TXNRD1: variants seen among roughly 807,000 people sequenced by gnomAD.
TXNRD1 encodes thioredoxin reductase 1, also known as thioredoxin reductase 1, cytoplasmic.
In TXNRD1, 57 loss-of-function variants were observed where a neutral mutation model predicts 80.3. The ratio of observed to expected loss-of-function variants is 0.71; its 90% confidence interval spans 0.57 to 0.89. TXNRD1 has a LOEUF of 0.89. TXNRD1 is among the 40% of genes least tolerant of loss of function. The probability of loss-of-function intolerance (pLI) is 0.00; values close to 1 mark genes in which losing one functional copy is unlikely to be tolerated. For synonymous variants in TXNRD1, 291 were observed against 285.2 expected, an observed-to-expected ratio of 1.02 and a Z score of -0.20; for missense variants, 730 against 803.0, an observed-to-expected ratio of 0.91 and a Z score of 1.10.
intron 2 of TXNRD1, among the ~76,000 whole-genome samples, chr12:104,256,433 G>A (rs934736428): frequency 2.6e-5 from 4 of 152,094 alleles, no homozygotes; most frequent in Non-Finnish European, 5.9e-5. Context: ...AGTGGTGGGG[G>A]GAACTGAATT....
chr12:104,349,048 A>G lies in TXNRD1; in HGVS notation c.*627A>G, dbSNP rs2036577010. ...TCCCAAAACAAGTACATCTGCGATC[A>G]ACTCTAGCCAAATTTGCCCCTGTGT... On this transcript the variant is annotated 3_prime_UTR_variant, in exon 17 of 17. Transcript: ENST00000525566. 1 of 152,326 alleles carries G rather than the reference A, an allele frequency of 6.6e-6. No individual in the cohort carries two copies. The highest frequency in any genetic ancestry group is 1.5e-5 in the Non-Finnish European group (1 of 68,112). 9.4% of individuals were successfully genotyped at this position (152,326 alleles called of 1,614,324 possible). A position where few individuals can be genotyped will look rare whatever the true frequency, so the allele number is the denominator to read the frequency against.
At chr12:104,269,198 C>A (rs2033601327) in intron 3 of TXNRD1, among the ~76,000 whole-genome samples, 2 of 152,204 alleles carry the variant, frequency 1.3e-5, no homozygotes, top group East Asian at 3.9e-4. Flanking sequence ...AACCACTGTG[C>A]CCAGCCCTTG....
At chr12:104,271,942 G>T (rs951083027) in intron 3 of TXNRD1, among the ~76,000 whole-genome samples, 1 of 151,954 alleles carries the variant, frequency 6.6e-6, no homozygotes, top group Admixed American at 6.6e-5. Flanking sequence ...AGCATTTAGG[G>T]CCAGGCGCGG....
intron 2 of TXNRD1, among the ~76,000 whole-genome samples, chr12:104,253,678 G>A (rs2033179598): frequency 6.6e-6 from 1 of 151,932 alleles, no homozygotes; most frequent in African/African-American, 2.4e-5. Flanking sequence ...GCTTGAACTA[G>A]TTGCTTATTG....
chr12:104,301,584 G>A (rs953462358), intron 4 of TXNRD1, among the ~76,000 whole-genome samples: 3 of 152,124 alleles, frequency 2.0e-5, no homozygotes, highest in Admixed American at 1.3e-4. Flanking sequence ...TGATCCGCCC[G>A]CCTCAGCCTC....
intron 15 of TXNRD1, among the ~76,000 whole-genome samples, chr12:104,334,569 A>C (rs538857239): frequency 1.5e-3 from 232 of 152,184 alleles, no homozygotes; most frequent in Middle Eastern, 3.4e-3. Flanking sequence ...CGGGGGTTTC[A>C]CCATGTTGGC....
Position 104,348,408 on chromosome 12 carries a change from GC to G in TXNRD1, c.1938del (p.Cys647AlafsTer30), listed in dbSNP as rs1443494733. ...KRSGASILQA[G>X]CUG ...TCTGGGGCAAGCATCCTCCAGGCTGGCTGCTGAGGTTAAGCCCCAGTGTGGA... is the reference window on the plus strand; with the variant it reads ...TCTGGGGCAAGCATCCTCCAGGCTGGTGCTGAGGTTAAGCCCCAGTGTGGA... On this transcript the variant is annotated frameshift_variant, in exon 17 of 17. Coordinates refer to ENST00000525566, the MANE Select transcript of TXNRD1 (RefSeq NM_001093771.3). LOFTEE classifies it high-confidence loss of function. The G allele has an allele frequency of 6.2e-7, 1 of 1,614,002 alleles. No homozygotes were observed. The highest frequency in any genetic ancestry group is 2.2e-5 in the East Asian group (1 of 44,888).
chr12:104,348,369 C>G lies in TXNRD1; in HGVS notation c.1898C>G (p.Ser633Cys). 2 of 1,614,022 alleles carry G rather than the reference C, an allele frequency of 1.2e-6. No individual in the cohort carries two copies. The highest frequency in any genetic ancestry group is 2.2e-5 in the South Asian group (2 of 91,080). ...CCCCTGCAGGTATTCACAACATTGT[C>G]TGTGACCAAGCGCTCTGGGGCAAGC... ...PVCAEVFTTLSVTKRSGASIL... is the reference protein window; with the variant it reads ...PVCAEVFTTLCVTKRSGASIL... Residue 633 changes from serine (S) to cysteine (C), a missense_variant, in exon 17 of 17, where the codon TCT (serine) becomes TGT (cysteine). Coordinates refer to ENST00000525566, the MANE Select transcript of TXNRD1 (RefSeq NM_001093771.3).
Position 104,313,932 on chromosome 12 carries a change from T to A in TXNRD1, c.610+615T>A, listed in dbSNP as rs188513487. Among the ~76,000 whole-genome samples the A allele has an allele frequency of 7.9e-4, 121 of 152,278 alleles. 1 individual carries two copies. Among genetic ancestry groups the A allele is most frequent in the African/African-American group, 2.8e-3 (116 of 41,546 alleles). ...GAAGTGGATAAAGGAGAATTTAACT[T>A]CGAGAAGATTATCAAGGAAGACATC... On this transcript the variant is annotated intron_variant, in intron 6 of 16. Transcript: ENST00000525566.
chr12:104,319,298 A>G (rs1347681246), intron 8 of TXNRD1, among the ~76,000 whole-genome samples, 172 bp from the exon 9 acceptor site: 1 of 152,128 alleles, frequency 6.6e-6, no homozygotes, highest in African/African-American at 2.4e-5. Context: ...TAACATTGTG[A>G]CTTTGAGTAA....
chr12:104,270,805 A>T lies in TXNRD1; in HGVS notation c.304+12726A>T, dbSNP rs572936497. 3.3e-5 allele frequency among the ~76,000 whole-genome samples: 5 copies of T among 152,162 alleles called. No homozygotes were observed. In the South Asian group the frequency reaches 1.0e-3, roughly 32 times the overall value. On this transcript the variant is annotated intron_variant, in intron 3 of 16. Transcript: ENST00000525566. ...ATCCTGTCAAGCAGAGTAGGAGGCA[A>T]TATAGCCTCCTTTATAGCAATACAG...
At chr12:104,292,387 C>G (rs938262854) in intron 4 of TXNRD1, among the ~76,000 whole-genome samples, 1 of 130,244 alleles carries the variant, frequency 7.7e-6, no homozygotes, top group East Asian at 2.6e-4. Context: ...CTACCCCCGC[C>G]CCCCCGCCTT....
chr12:104,290,250 A>G (rs1232943249), intron 4 of TXNRD1, among the ~76,000 whole-genome samples: 1 of 152,140 alleles, frequency 6.6e-6, no homozygotes, highest in East Asian at 1.9e-4. Flanking sequence ...ATTTTTGACA[A>G]ATGGTTATAG....
At chr12:104,265,335 G>C in intron 3 of TXNRD1, 1 of 1,609,484 alleles carries the variant, frequency 6.2e-7, no homozygotes. Context: ...CGCTACGAGA[G>C]TACAAGGTAG....
At chr12:104,274,006 A>G (rs1193036789) in intron 3 of TXNRD1, among the ~76,000 whole-genome samples, 2 of 151,808 alleles carry the variant, frequency 1.3e-5, no homozygotes, top group African/African-American at 4.8e-5. Flanking sequence ...GAGCCGAGAT[A>G]GTGACACTGC....
chr12:104,260,056 C>T (rs773244744), intron 3 of TXNRD1, among the ~76,000 whole-genome samples: 5 of 152,118 alleles, frequency 3.3e-5, no homozygotes, highest in South Asian at 2.1e-4. Flanking sequence ...AACATTGACC[C>T]GGTGCAGTGG....
At chr12:104,296,523 C>T (rs987624764) in intron 4 of TXNRD1, among the ~76,000 whole-genome samples, 2 of 152,220 alleles carry the variant, frequency 1.3e-5, no homozygotes, top group Admixed American at 6.5e-5. Flanking sequence ...ATCCTCTTGC[C>T]TCAGCCGCCT....
Position 104,321,332 on chromosome 12 carries a change from T to C in TXNRD1, c.1215+16T>C. 6.2e-7 allele frequency: 1 copy of C among 1,605,450 alleles called. No individual in the cohort carries two copies. The highest frequency in any genetic ancestry group is 8.5e-7 in the Non-Finnish European group (1 of 1,172,368). On this transcript the variant is annotated intron_variant, in intron 10 of 16. Coordinates refer to ENST00000525566, the MANE Select transcript of TXNRD1 (RefSeq NM_001093771.3). ...ACCAATTAAAGTAAGTGGGTTTGCCTGTAGGTTTCTTGATTCTACATTCAC... is the reference window on the plus strand; with the variant it reads ...ACCAATTAAAGTAAGTGGGTTTGCCCGTAGGTTTCTTGATTCTACATTCAC...
chr12:104,325,561 A>C, intron 11 of TXNRD1, 132 bp downstream of exon 11: 136 of 677,208 alleles, frequency 2.0e-4, no homozygotes, highest in Middle Eastern at 6.9e-4. Flanking sequence ...TAGACATCTC[A>C]ATAACTTATG....
Sources: gnomAD v4.1 joint callset for allele counts (sites outside exome capture counted in the v4.1 genomes callset) on GRCh38, gnomAD v4.1.1 for gene constraint, MANE v1.5 for transcripts, NCBI Gene and HGNC (gene_info 2026-07-23, HGNC 2026-07-21) for gene names.